The following RUFY3 variants were observed in gnomAD, a reference collection of about 807,000 sequenced individuals.
RUFY3 encodes protein RUFY3.
A neutral mutation model predicts 84.0 loss-of-function variants in RUFY3; 34 were observed. That is an observed-to-expected ratio of 0.40 (90% CI 0.31 to 0.54). The LOEUF is 0.54. RUFY3 is among the 20% of genes least tolerant of loss of function. The probability of loss-of-function intolerance (pLI) is 0.39; values close to 1 mark genes in which losing one functional copy is unlikely to be tolerated. For synonymous variants in RUFY3, 242 were observed against 252.9 expected, an observed-to-expected ratio of 0.96 and a Z score of 0.41; for missense variants, 507 against 736.8, an observed-to-expected ratio of 0.69 and a Z score of 3.61.
At chr4:70,803,867 C>T (rs75609065) in intron 16 of RUFY3, among the ~76,000 whole-genome samples, 6,274 of 151,678 alleles carry the variant, frequency 0.041, 294 homozygotes, top group East Asian at 0.2. Context: ...GGATTACAGG[C>T]GCCCACCACC....
At chr4:70,709,763 C>T (rs1274270285) in intron 1 of RUFY3, among the ~76,000 whole-genome samples, 1 of 152,140 alleles carries the variant, frequency 6.6e-6, no homozygotes, top group African/African-American at 2.4e-5. Flanking sequence ...TTTAGTTATT[C>T]TTTTCTCCTT....
At chr4:70,759,437 G>A (rs1169585222) in intron 1 of RUFY3, among the ~76,000 whole-genome samples, 1 of 151,430 alleles carries the variant, frequency 6.6e-6, no homozygotes, top group Non-Finnish European at 1.5e-5. Flanking sequence ...ATGACACTTA[G>A]GTTGATTTCA....
At chr4:70,718,143 A>G (rs1560441369), upstream of RUFY3, among the ~76,000 whole-genome samples, 1 of 152,108 alleles carries the variant, frequency 6.6e-6, no homozygotes, top group Non-Finnish European at 1.5e-5. Context: ...TCGGCCTCCC[A>G]AAGTGCTGGG....
At chr4:70,712,064 C>T (rs7675578) in intron 1 of RUFY3, among the ~76,000 whole-genome samples, 4,682 of 152,236 alleles carry the variant, frequency 0.031, 207 homozygotes, top group African/African-American at 0.093. Context: ...TAATCATAGA[C>T]TCATTCTTTG....
chr4:70,725,204 G>A (rs762939344), intron 1 of RUFY3, among the ~76,000 whole-genome samples: 8 of 152,168 alleles, frequency 5.3e-5, no homozygotes, highest in Non-Finnish European at 1.2e-4. Context: ...GCAGTCCGCA[G>A]TATAGGCCTG....
intron 1 of RUFY3, among the ~76,000 whole-genome samples, chr4:70,752,866 GT>G (rs1560496102): frequency 6.6e-6 from 1 of 152,046 alleles, no homozygotes; most frequent in Non-Finnish European, 1.5e-5. Context: ...TTGATCTATA[GT>G]TTTCTTATGA....
Position 70,744,829 on chromosome 4 carries a change from A to G in RUFY3, c.179-17690A>G, listed in dbSNP as rs567419532. Reference sequence around the variant, plus strand: ...GCCACCACATCTGGCTAATTTTTGCATTTTTAGTAGAGACAGGGTCTCACC... The same window carrying G: ...GCCACCACATCTGGCTAATTTTTGCGTTTTTAGTAGAGACAGGGTCTCACC... On this transcript the variant is annotated intron_variant, in intron 1 of 17. Coordinates refer to ENST00000381006, the MANE Select transcript of RUFY3 (RefSeq NM_001037442.4). 2.7e-5 allele frequency among the ~76,000 whole-genome samples: 4 copies of G among 150,554 alleles called. No homozygotes were observed. The South Asian group carries it at 6.4e-4, about 24-fold the overall frequency.
At chr4:70,791,727 GAGGTA>G in intron 12 of RUFY3, 2 of 998,504 alleles carry the variant, frequency 2.0e-6, no homozygotes, top group Non-Finnish European at 2.4e-6. Context: ...GATGAACCTA[GAGGTA>G]ACTACCATGT....
chr4:70,796,783 G>C (rs1018002785), intron 14 of RUFY3, among the ~76,000 whole-genome samples: 4 of 151,808 alleles, frequency 2.6e-5, no homozygotes, highest in Admixed American at 1.3e-4. Flanking sequence ...ACTTCTTTGG[G>C]GACAATCCTA....
intron 2 of RUFY3, 56 bp downstream of exon 2, chr4:70,762,748 A>G (rs912399140): frequency 1.4e-6 from 2 of 1,411,668 alleles, no homozygotes; most frequent in Admixed American, 2.0e-5. Flanking sequence ...AGCAATGCAT[A>G]CTATAGAAGA....
intron 13 of RUFY3, 65 bp from the exon 14 acceptor site, chr4:70,794,730 T>C (rs904917315): frequency 4.8e-5 from 50 of 1,041,594 alleles, no homozygotes; most frequent in Admixed American, 9.8e-5. Flanking sequence ...GGGTTGGCAT[T>C]CTTTAGAGAA....
At chr4:70,765,791 C>G (rs988840861) in intron 4 of RUFY3, among the ~76,000 whole-genome samples, 2 of 148,216 alleles carry the variant, frequency 1.3e-5, no homozygotes, top group Non-Finnish European at 3.0e-5. Context: ...GAGTCTCACT[C>G]TGTCACCAGG....
At chr4:70,799,757 A>G (rs1334573236) in intron 14 of RUFY3, 1 of 186,212 alleles carries the variant, frequency 5.4e-6, no homozygotes, top group Non-Finnish European at 1.1e-5. Flanking sequence ...AGAGGATTAT[A>G]GTCTGCTGTA....
rs555203556 is a variant in RUFY3 at position 70,704,971 on chromosome 4, C to G, written c.35C>G (p.Ala12Gly). 6.5e-6 allele frequency: 8 copies of G among 1,229,256 alleles called. 1 individual carries two copies. The South Asian group carries it at 2.6e-4, about 40-fold the overall frequency. 76.1% of individuals were successfully genotyped at this position (1,229,256 alleles called of 1,614,324 possible). A position where few individuals can be genotyped will look rare whatever the true frequency, so the allele number is the denominator to read the frequency against. Reference sequence around the variant, plus strand: ...ACCCCGCCGCCGCCCACCGCTGGTGCCGAAAGTTGCAGCGAGGAGCCGGCG... The same window carrying G: ...ACCCCGCCGCCGCCCACCGCTGGTGGCGAAAGTTGCAGCGAGGAGCCGGCG... The change falls in exon 1 of 12, where the codon GCC (alanine) becomes GGC (glycine). Residue 12 changes from alanine (A) to glycine (G), a missense_variant. Physicochemically the swap from Ala to Gly is moderately conservative, Grantham distance 60. Transcript: ENST00000417478.
At chr4:70,707,263 G>GT (rs977461353) in intron 1 of RUFY3, among the ~76,000 whole-genome samples, 9 of 152,162 alleles carry the variant, frequency 5.9e-5, no homozygotes, top group Non-Finnish European at 1.3e-4. Context: ...AATGTATGGT[G>GT]TTTTTTTGTT....
In RUFY3 at chr4:70,807,899, T is replaced by C. The variant is rs1578280454; in HGVS notation, c.*1240T>C. On this transcript the variant is annotated 3_prime_UTR_variant, in exon 18 of 18. Coordinates refer to ENST00000381006, the MANE Select transcript of RUFY3 (RefSeq NM_001037442.4). Reference sequence around the variant, plus strand: ...TTCTGAGTGAGTCACGAATGAGAGCTGATAGATGCTTTCTTGAAAAGGGCA... The same window carrying C: ...TTCTGAGTGAGTCACGAATGAGAGCCGATAGATGCTTTCTTGAAAAGGGCA... Among the ~76,000 whole-genome samples, 1 of 152,288 alleles carries C rather than the reference T, an allele frequency of 6.6e-6. No homozygotes were observed. The highest frequency in any genetic ancestry group is 1.9e-4 in the East Asian group (1 of 5,188).
chr4:70,775,102 TG>T, intron 6 of RUFY3, 65 bp from the exon 7 acceptor site: 1 of 1,048,058 alleles, frequency 9.5e-7, no homozygotes, highest in African/African-American at 1.7e-5. Context: ...TGGGGTGGGG[TG>T]GGGTTGGGAT....
intron 1 of RUFY3, among the ~76,000 whole-genome samples, chr4:70,733,131 AGG>A (rs1560463905): frequency 3.0e-5 from 2 of 66,206 alleles, no homozygotes; most frequent in East Asian, 1.1e-3. Flanking sequence ...GGAGGGAGGG[AGG>A]GAGGGAGAGA....
At chr4:70,748,015 C>T (rs1047437298) in intron 1 of RUFY3, among the ~76,000 whole-genome samples, 2 of 152,096 alleles carry the variant, frequency 1.3e-5, no homozygotes, top group African/African-American at 4.8e-5. Context: ...ATTCTTGACC[C>T]CTTCATTTCC....
Sources: gnomAD v4.1 joint callset for allele counts (sites outside exome capture counted in the v4.1 genomes callset) on GRCh38, gnomAD v4.1.1 for gene constraint, MANE v1.5 for transcripts, NCBI Gene and HGNC (gene_info 2026-07-23, HGNC 2026-07-21) for gene names.